TAS1R2: variants seen among roughly 807,000 people sequenced by gnomAD.
TAS1R2 encodes taste receptor type 1 member 2.
In TAS1R2, 47 loss-of-function variants were observed where a neutral mutation model predicts 49.3. The observed-to-expected ratio is 0.95, with a 90% confidence interval of 0.75 to 1.22. TAS1R2 has a LOEUF of 1.22. TAS1R2 is among the 50% of genes most tolerant of loss of function. TAS1R2 has a pLI of 0.00. For missense variants in TAS1R2, 1,155 were observed against 1,122.1 expected (o/e 1.03, Z -0.42); for synonymous variants, 479 against 467.9 (o/e 1.02, Z -0.31).
intron 5 of TAS1R2, 100 bp downstream of exon 5, chr1:18,841,629 C>T: frequency 6.7e-7 from 1 of 1,484,672 alleles, no homozygotes; most frequent in Non-Finnish European, 9.1e-7. Context: ...CTGTGGGGTA[C>T]TCCAGAGACC....
At chr1:18,845,921 T>C (rs1000048985) in intron 4 of TAS1R2, among the ~76,000 whole-genome samples, 2 of 152,128 alleles carry the variant, frequency 1.3e-5, no homozygotes, top group Admixed American at 6.5e-5. Context: ...AAGAGAGAGA[T>C]GAATATCAGT....
At chr1:18,849,100 T>C (rs1158433745) in intron 4 of TAS1R2, among the ~76,000 whole-genome samples, 1 of 152,016 alleles carries the variant, frequency 6.6e-6, no homozygotes, top group Non-Finnish European at 1.5e-5. Flanking sequence ...AAAGTGAACG[T>C]TTACCTTGCA....
chr1:18,849,585 C>A, intron 3 of TAS1R2, 35 bp from the exon 4 acceptor site: 2 of 1,608,122 alleles, frequency 1.2e-6, no homozygotes, highest in South Asian at 2.2e-5. Flanking sequence ...GTGGAGCTAG[C>A]ATCAGAATCT....
At chr1:18,845,686 G>T (rs756087829) in intron 4 of TAS1R2, among the ~76,000 whole-genome samples, 1 of 152,206 alleles carries the variant, frequency 6.6e-6, no homozygotes, top group Non-Finnish European at 1.5e-5. Flanking sequence ...TACACAAGTG[G>T]AGTAGGAAGG....
chr1:18,857,502 G>T (rs200799920), exon 2 of TAS1R2: 1 of 1,614,200 alleles, frequency 6.2e-7, no homozygotes, highest in East Asian at 2.2e-5. Context: ...CATTGTTGGA[G>T]ATGTAGCACA....
intron 4 of TAS1R2, among the ~76,000 whole-genome samples, chr1:18,846,947 G>A (rs1031363725): frequency 4.6e-5 from 7 of 152,190 alleles, no homozygotes; most frequent in Non-Finnish European, 7.3e-5. Flanking sequence ...AGATCTGGTC[G>A]TTTAAATGTG....
At chr1:18,841,937 A>T in intron 4 of TAS1R2, 85 bp from the exon 5 acceptor site, 71 of 1,269,672 alleles carry the variant, frequency 5.6e-5, no homozygotes, top group East Asian at 2.5e-4. Flanking sequence ...CAGGATGTTC[A>T]GGGGAGGAAG....
chr1:18,853,448 T>G (rs1934067547), intron 3 of TAS1R2, among the ~76,000 whole-genome samples: 1 of 152,188 alleles, frequency 6.6e-6, no homozygotes, highest in Non-Finnish European at 1.5e-5. Flanking sequence ...AGAGGTACAA[T>G]TATATAGAAT....
chr1:18,844,199 G>A (rs1425626914), intron 4 of TAS1R2, among the ~76,000 whole-genome samples: 1 of 152,196 alleles, frequency 6.6e-6, no homozygotes, highest in African/African-American at 2.4e-5. Context: ...ATGCAAGCAG[G>A]ACACTTGGTT....
rs184455720 is a variant in TAS1R2 at position 18,855,050 on chromosome 1, G to A, written c.484-64C>T. ...CTGGGTGCTCTGCCCCCACCCCAGGGCTCTATCCACCATCATCATCTGGGA... is the reference window on the plus strand; with the variant it reads ...CTGGGTGCTCTGCCCCCACCCCAGGACTCTATCCACCATCATCATCTGGGA... On this transcript the variant is annotated intron_variant, in intron 2 of 5. Transcript: ENST00000375371. 325 of 1,553,236 alleles carry A rather than the reference G, an allele frequency of 2.1e-4. 1 individual carries two copies. Among genetic ancestry groups the A allele is most frequent in the Non-Finnish European group, 2.7e-4 (307 of 1,144,672 alleles).
chr1:18,841,910 C>G, intron 4 of TAS1R2, 58 bp from the exon 5 acceptor site: 1 of 1,507,184 alleles, frequency 6.6e-7, no homozygotes, highest in Non-Finnish European at 9.0e-7. Flanking sequence ...TGGGGGCCCC[C>G]TCCCCTCTCC....
chr1:18,851,581 G>A (rs534095661), intron 3 of TAS1R2, among the ~76,000 whole-genome samples: 5 of 152,040 alleles, frequency 3.3e-5, no homozygotes, highest in Non-Finnish European at 5.9e-5. Flanking sequence ...CATCTGCCTC[G>A]GCCTGCCAAA....
exon 1 of TAS1R2, chr1:18,859,657 C>T (rs143705863): frequency 3.1e-6 from 5 of 1,614,070 alleles, no homozygotes; most frequent in Non-Finnish European, 4.2e-6. Flanking sequence ...GCCCTGGGCC[C>T]CATGGCTGGG....
At chr1:18,856,837 A>G (rs1226097769) in intron 2 of TAS1R2, among the ~76,000 whole-genome samples, 1 of 152,248 alleles carries the variant, frequency 6.6e-6, no homozygotes, top group African/African-American at 2.4e-5. Context: ...TAGTAGTAAT[A>G]CAAATCACCC....
chr1:18,856,906 T>G (rs532052103), intron 2 of TAS1R2, among the ~76,000 whole-genome samples: 2 of 152,364 alleles, frequency 1.3e-5, no homozygotes, highest in South Asian at 4.1e-4. Flanking sequence ...AGAATAATAC[T>G]AAGCACTTCA....
At chr1:18,857,485 G>C in exon 2 of TAS1R2, 1 of 1,614,180 alleles carries the variant, frequency 6.2e-7, no homozygotes, top group Non-Finnish European at 8.5e-7. Flanking sequence ...GTAGAGCACC[G>C]GCTGGACATT....
At chr1:18,858,130 C>T (rs1261684059) in intron 1 of TAS1R2, among the ~76,000 whole-genome samples, 3 of 151,802 alleles carry the variant, frequency 2.0e-5, no homozygotes, top group African/African-American at 4.8e-5. Context: ...TCCACCATCA[C>T]CACCACCAAC....
At chr1:18,842,990 T>C (rs1557595694) in intron 4 of TAS1R2, among the ~76,000 whole-genome samples, 1 of 152,230 alleles carries the variant, frequency 6.6e-6, no homozygotes, top group Non-Finnish European at 1.5e-5. Context: ...CCAAAATTAA[T>C]GGGGTACAGT....
Position 18,854,581 on chromosome 1 carries a change from C to A in TAS1R2, c.889G>T (p.Val297Leu). 2 of 1,613,932 alleles carry A rather than the reference C, an allele frequency of 1.2e-6. No homozygotes were observed. The highest frequency in any genetic ancestry group is 1.7e-6 in the Non-Finnish European group (2 of 1,179,910). ...GCCCAGGACTCGGAGGCGATCCACA[C>A]GGCGCCAGTGAAGTTCTGGCGCAGC... The change falls in exon 3 of 6, where the codon GTG becomes TTG. Residue 297 changes from valine (V) to leucine (L), a missense_variant. Coordinates refer to ENST00000375371, the Ensembl canonical transcript of TAS1R2. This position sits in a 1 kb window ranked among gnomAD's most constrained non-coding sequence, Gnocchi z 4.9.
Sources: allele counts gnomAD v4.1 joint callset (sites outside exome capture counted in the v4.1 genomes callset), GRCh38; gene constraint gnomAD v4.1.1; non-coding constraint Gnocchi (gnomAD v3.1); transcripts MANE v1.5; gene names NCBI Gene and HGNC (gene_info 2026-07-23, HGNC 2026-07-21).